Variants in CEP192 observed in about 807,000 individuals in gnomAD.
CEP192 encodes centrosomal protein 192, also known as centrosomal protein of 192 kDa.
In CEP192, 151 loss-of-function variants were observed where a neutral mutation model predicts 271.8. That is an observed-to-expected ratio of 0.56 (90% CI 0.49 to 0.64). The LOEUF (loss-of-function observed/expected upper bound fraction) is 0.64, where lower values mean the gene tolerates loss of function less well. CEP192 is among the 30% of genes least tolerant of loss of function. The pLI, the probability that CEP192 is intolerant of heterozygous loss-of-function variation, is 0.00. For missense variants in CEP192, 2,910 were observed against 3,020.5 expected (o/e 0.96, Z 0.86); for synonymous variants, 995 against 1,076.5 (o/e 0.92, Z 1.48).
At chr18:13,059,548 CTA>C (rs2144212226) in intron 21 of CEP192, among the ~76,000 whole-genome samples, 1 of 152,274 alleles carries the variant, frequency 6.6e-6, no homozygotes, top group South Asian at 2.1e-4. Context: ...AGGTTAAACA[CTA>C]TTTTCCACTG....
At chr18:13,110,933 C>T (rs1014400648) in intron 40 of CEP192, among the ~76,000 whole-genome samples, 2 of 152,196 alleles carry the variant, frequency 1.3e-5, no homozygotes, top group Non-Finnish European at 2.9e-5. Flanking sequence ...CACCTTCTTC[C>T]ACCTGCCTCT....
At chr18:13,011,107 G>A (rs1329666098) in intron 4 of CEP192, among the ~76,000 whole-genome samples, 4 of 150,366 alleles carry the variant, frequency 2.7e-5, no homozygotes, top group Non-Finnish European at 4.4e-5. Context: ...GGCGCCTGTA[G>A]TCCCAGCTAC....
intron 38 of CEP192, among the ~76,000 whole-genome samples, chr18:13,102,089 G>A (rs903502260): frequency 3.3e-5 from 5 of 152,056 alleles, no homozygotes; most frequent in African/African-American, 9.7e-5. Context: ...TCCACATGAG[G>A]CTTTGCTGCC....
chr18:13,072,916 T>A, intron 29 of CEP192, 71 bp downstream of exon 29: 1 of 1,533,562 alleles, frequency 6.5e-7, no homozygotes, highest in Non-Finnish European at 9.0e-7. Context: ...GCAGACCTTT[T>A]TGTGTTATTT....
chr18:13,020,913 A>G (rs900625077), intron 9 of CEP192, among the ~76,000 whole-genome samples: 7 of 152,034 alleles, frequency 4.6e-5, no homozygotes, highest in African/African-American at 1.4e-4. Context: ...CCACTTTTTA[A>G]TTGAGTTTTT....
chr18:13,082,692 A>G (rs1450937028), intron 30 of CEP192, among the ~76,000 whole-genome samples: 1 of 151,426 alleles, frequency 6.6e-6, no homozygotes, highest in African/African-American at 2.4e-5. Context: ...TTTGCCTGGT[A>G]GTTGATGTAG....
intron 38 of CEP192, among the ~76,000 whole-genome samples, chr18:13,102,090 CT>C (rs1197390000): frequency 6.6e-6 from 1 of 152,128 alleles, no homozygotes; most frequent in East Asian, 1.9e-4. Context: ...CCACATGAGG[CT>C]TTGCTGCCTC....
At chr18:12,992,660 C>T (rs2145717744) in intron 1 of CEP192, among the ~76,000 whole-genome samples, 1 of 152,310 alleles carries the variant, frequency 6.6e-6, no homozygotes, top group Middle Eastern at 3.4e-3. Flanking sequence ...GAATGGTTTA[C>T]AAGTGTAATC....
At chr18:13,012,847 A>G (rs2034441089) in intron 4 of CEP192, 126 bp from the exon 5 acceptor site, 2 of 579,272 alleles carry the variant, frequency 3.5e-6, no homozygotes, top group East Asian at 5.9e-5. Context: ...GGATTCATAT[A>G]CATCATTTAA....
At chr18:13,117,756 C>A in intron 44 of CEP192, 113 bp downstream of exon 44, 1 of 739,900 alleles carries the variant, frequency 1.4e-6, no homozygotes, top group Non-Finnish European at 2.4e-6. Flanking sequence ...TCCTCACCAG[C>A]ACCAAACAGC....
chr18:13,040,942 A>G lies in CEP192; in HGVS notation c.1922A>G (p.His641Arg), dbSNP rs374275408. Residue 641 changes from histidine (H) to arginine (R), a missense_variant, in exon 14 of 45, where the codon CAT becomes CGT. Transcript: ENST00000506447. Reference protein sequence around the residue: ...NLEKEMAHLNHDLYSGDLNEQ... With the variant: ...NLEKEMAHLNRDLYSGDLNEQ... The stretch of plus-strand genomic sequence containing the variant: ...GAAAAAGAAATGGCTCATCTTAACC[A>G]TGATCTATATTCAGGTAATGGATTC... 1.2e-5 allele frequency: 20 copies of G among 1,609,630 alleles called. No homozygotes were observed. The highest frequency in any genetic ancestry group is 1.5e-5 in the Non-Finnish European group (18 of 1,178,292).
At chr18:13,085,957 GAAC>G (rs1334192577) in intron 30 of CEP192, among the ~76,000 whole-genome samples, 1 of 152,046 alleles carries the variant, frequency 6.6e-6, no homozygotes, top group East Asian at 1.9e-4. Flanking sequence ...AGCTTGATGG[GAAC>G]AGCATTGAAT....
In CEP192 at chr18:13,049,897, T is replaced by C. The variant is rs780626976; in HGVS notation, c.3017+6T>C. On this transcript the variant is annotated splice_donor_region_variant and intron_variant, in intron 17 of 44. Transcript: ENST00000506447. Reference sequence around the variant, plus strand: ...TCTGGAACGAGTTCATCAGGGTAAGTGTGTACCTTCTTTTTTAAAAAATAA... The same window carrying C: ...TCTGGAACGAGTTCATCAGGGTAAGCGTGTACCTTCTTTTTTAAAAAATAA... 4.4e-6 allele frequency: 7 copies of C among 1,603,572 alleles called. No individual in the cohort carries two copies. Among genetic ancestry groups the C allele is most frequent in the African/African-American group, 1.4e-5 (1 of 74,038 alleles).
At position 13,076,680 on chromosome 18, in the gene CEP192, A is replaced by G. The variant is rs2038303176; in HGVS notation, c.5616+3495A>G. Among the ~76,000 whole-genome samples the G allele has an allele frequency of 3.9e-5, 6 of 152,362 alleles. No homozygotes were observed. The South Asian group carries it at 1.2e-3, about 32-fold the overall frequency. ...AATTTACTCGTACGTTTCTATGGAA[A>G]AAGAAAAATTAGAAACATTTTTGCT... On this transcript the variant is annotated intron_variant, in intron 30 of 44. Transcript: ENST00000506447.
In CEP192 at chr18:13,096,204, C is replaced by T. The variant is rs138598145; in HGVS notation, c.6454C>T (p.Arg2152Cys). Reference sequence around the variant, plus strand: ...AATAGGTGACATGGCAAAAACTGGACGTTTCCAGATTGTGAATAACTCTGT... The same window carrying T: ...AATAGGTGACATGGCAAAAACTGGATGTTTCCAGATTGTGAATAACTCTGT... ...PSPCDMAKTG[R>C]FQIVNNSVRL... Residue 2152 changes from arginine to cysteine, a missense_variant, in exon 36 of 45, where the codon CGT (arginine) becomes TGT (cysteine). Arg to Cys is a radical substitution (Grantham distance 180, BLOSUM62 -3). Transcript: ENST00000506447. 1.9e-6 allele frequency: 3 copies of T among 1,613,926 alleles called. No individual in the cohort carries two copies. The highest frequency in any genetic ancestry group is 2.2e-5 in the South Asian group (2 of 91,050).
rs1363458526 is a variant in CEP192, at chr18:13,049,220, A to G, written c.2429A>G (p.Asp810Gly). The change falls in exon 16 of 45, where the codon GAT becomes GGT. Residue 810 changes from aspartate (D) to glycine (G), a missense_variant. Asp to Gly is a moderately conservative substitution (Grantham distance 94). Transcript: ENST00000506447. ...AGGGCTAGTATGTCTGATACTTGGGATTTATCTTTGCCCAAAGAACAAACT... is the reference window on the plus strand; with the variant it reads ...AGGGCTAGTATGTCTGATACTTGGGGTTTATCTTTGCCCAAAGAACAAACT... The part of the protein sequence containing the change: ...FSRASMSDTW[D>G]LSLPKEQTTQ... 6.2e-7 allele frequency: 1 copy of G among 1,614,060 alleles called. No homozygotes were observed. Among genetic ancestry groups the G allele is most frequent in the Non-Finnish European group, 8.5e-7 (1 of 1,180,010 alleles).
chr18:13,000,091 C>CTCTTTTTT (rs1555698196), intron 2 of CEP192, among the ~76,000 whole-genome samples: 1 of 76,750 alleles, frequency 1.3e-5, no homozygotes, highest in African/African-American at 4.3e-5. Flanking sequence ...TGTCTTCTCT[C>CTCTTTTTT]TTTTTTTTTT....
intron 30 of CEP192, among the ~76,000 whole-genome samples, chr18:13,081,749 T>C (rs1163981601): frequency 3.3e-5 from 5 of 152,218 alleles, no homozygotes; most frequent in African/African-American, 1.2e-4. Flanking sequence ...TTTAGTGGTA[T>C]AAATTTCCCT....
intron 40 of CEP192, 50 bp from the exon 41 acceptor site, chr18:13,113,536 C>T (rs749309038): frequency 2.9e-5 from 46 of 1,580,870 alleles, no homozygotes; most frequent in Non-Finnish European, 2.9e-5. Context: ...CTAGCTAACA[C>T]TGTGTTTAAT....
Sources: gnomAD v4.1 joint callset for allele counts (sites outside exome capture counted in the v4.1 genomes callset) on GRCh38, gnomAD v4.1.1 for gene constraint, MANE v1.5 for transcripts, NCBI Gene and HGNC (gene_info 2026-07-23, HGNC 2026-07-21) for gene names.